ZNF799: variants seen among roughly 807,000 people sequenced by gnomAD.
ZNF799 encodes zinc finger protein 14.
ZNF799 carries 28 observed loss-of-function variants against 41.0 expected under a neutral mutation model. That is an observed-to-expected ratio of 0.68 (90% confidence interval 0.51 to 0.94). The LOEUF (loss-of-function observed/expected upper bound fraction) is 0.94, where lower values mean the gene tolerates loss of function less well. ZNF799 is among the 40% of genes least tolerant of loss of function. The pLI is 0.00. For synonymous variants in ZNF799, 213 were observed against 252.9 expected (o/e 0.84, Z 1.50); for missense variants, 716 against 764.3 (o/e 0.94, Z 0.74).
chr19:12,391,593 G>C lies in ZNF799; in HGVS notation c.805C>G (p.Leu269Val). Residue 269 changes from leucine (L) to valine (V), a missense_variant, in exon 4 of 4, where the codon CTA (leucine) becomes GTA (valine). Coordinates refer to ENST00000430385, the MANE Select transcript of ZNF799 (RefSeq NM_001080821.3). ...SKAFPDYSSC[L>V]RHERTHTGKK... is the part of the protein sequence containing the mutation. ...CCAGTGTGAGTTCTTTCATGTCTTA[G>C]ACAAGAACTGTAATCAGGGAAGGCT... 6.2e-7 allele frequency: 1 copy of C among 1,614,102 alleles called. No homozygotes were observed. Among genetic ancestry groups the C allele is most frequent in the Non-Finnish European group, 8.5e-7 (1 of 1,179,994 alleles).
At position 12,397,400 on chromosome 19, in the gene ZNF799, TA is replaced by T. The variant is rs112413283; in HGVS notation, c.3+3667del. Among the ~76,000 whole-genome samples the T allele has an allele frequency of 8.7e-3, 1,162 of 133,948 alleles. 3 individuals are homozygous for T. The highest frequency in any genetic ancestry group is 0.017 in the African/African-American group (633 of 36,538). The allele number at this position is 133,948 out of a possible 152,430, so 87.9% of individuals were successfully genotyped here. A position where few individuals can be genotyped will look rare whatever the true frequency, so the allele number is the denominator to read the frequency against. On this transcript the variant is annotated intron_variant, in intron 1 of 3. Coordinates refer to ENST00000430385, the MANE Select transcript of ZNF799 (RefSeq NM_001080821.3). Reference sequence around the variant, plus strand: ...TGAGACTCTGTCTCTAGGAAACGTGTAAAAAAAAAAAAAAATTAGCCAGGCG... The same window carrying T: ...TGAGACTCTGTCTCTAGGAAACGTGTAAAAAAAAAAAAAATTAGCCAGGCG...
chr19:12,401,852 A>G (rs1225514503), upstream of ZNF799, among the ~76,000 whole-genome samples: 1 of 151,994 alleles, frequency 6.6e-6, no homozygotes, highest in Non-Finnish European at 1.5e-5. Context: ...GGGATTAGAG[A>G]CGTGAGCCAT....
Position 12,390,975 on chromosome 19 carries a change from G to T in ZNF799, c.1423C>A (p.Pro475Thr). Residue 475 changes from proline to threonine, a missense_variant, in exon 4 of 4, where the codon CCA becomes ACA. Coordinates refer to ENST00000430385, the MANE Select transcript of ZNF799 (RefSeq NM_001080821.3). ...TTCCCACATTCCTTACACTCATATG[G>T]CTTCTCTCCAGCATGAGTTGTTTTG... is the stretch of plus-strand genomic sequence containing the variant. ...NHKTTHAGEK[P>T]YECKECGKAF... The T allele has an allele frequency of 2.5e-6, 4 of 1,614,096 alleles. No individual in the cohort carries two copies. The highest frequency in any genetic ancestry group is 2.7e-5 in the African/African-American group (2 of 75,032).
intron 1 of ZNF799, among the ~76,000 whole-genome samples, chr19:12,397,008 T>A (rs1443024473): frequency 6.6e-6 from 1 of 152,164 alleles, no homozygotes; most frequent in Non-Finnish European, 1.5e-5. Flanking sequence ...GGCACAAAAA[T>A]TATTTCCTTT....
the ZNF799 span, among the ~76,000 whole-genome samples, chr19:12,414,012 G>C: frequency 6.6e-6 from 1 of 152,200 alleles, no homozygotes; most frequent in African/African-American, 2.4e-5. Context: ...CCTGCGGCCT[G>C]TGCGGGTCCC....
upstream of ZNF799, chr19:12,401,327 C>G: frequency 9.0e-7 from 1 of 1,115,052 alleles, no homozygotes; most frequent in Non-Finnish European, 1.2e-6. Context: ...GGTGCCGCCC[C>G]TCGTGGACTG....
At chr19:12,413,047 C>CAAAAA in the ZNF799 span, among the ~76,000 whole-genome samples, 1,332 of 62,072 alleles carry the variant, frequency 0.021, 16 homozygotes, top group African/African-American at 0.033. Context: ...ACTCCGTCTC[C>CAAAAA]AAAAAAAAAA....
rs898667703 is a variant in ZNF799, at chr19:12,390,398, G to A, written c.*68C>T. On this transcript the variant is annotated 3_prime_UTR_variant, in exon 4 of 4. Transcript: ENST00000430385. ...ACAGGGTCTATCTCCAATGTGTTTC[G>A]TACAAGTATCTGAAATGAAATAAAA... is the stretch of plus-strand genomic sequence containing the variant. 27 of 1,602,802 alleles carry A rather than the reference G, an allele frequency of 1.7e-5. No homozygotes were observed. The highest frequency in any genetic ancestry group is 3.4e-5 in the Admixed American group (2 of 58,004).
In ZNF799 at chr19:12,390,232, G is replaced by C; in HGVS notation, c.*234C>G. The C allele has an allele frequency of 1.3e-6, 1 of 782,050 alleles. No individual in the cohort carries two copies. Among genetic ancestry groups the C allele is most frequent in the East Asian group, 2.7e-5 (1 of 36,954 alleles). The allele number at this position is 782,050 out of a possible 1,614,324, so 48.4% of individuals were successfully genotyped here. A position where few individuals can be genotyped will look rare whatever the true frequency, so the allele number is the denominator to read the frequency against. On this transcript the variant is annotated 3_prime_UTR_variant, in exon 4 of 4. Coordinates refer to ENST00000430385, the MANE Select transcript of ZNF799 (RefSeq NM_001080821.3). ...AGAGTATACAAGAGGATGTGGGTAA[G>C]TTACATACAAATATGTCATTTTATA... is the stretch of plus-strand genomic sequence containing the variant.
the ZNF799 span, among the ~76,000 whole-genome samples, chr19:12,409,072 A>C: frequency 6.6e-6 from 1 of 151,952 alleles, no homozygotes; most frequent in Non-Finnish European, 1.5e-5. Flanking sequence ...GCAGTCCCCA[A>C]CCTTTTTGGC....
At chr19:12,411,456 C>T in the ZNF799 span, among the ~76,000 whole-genome samples, 1 of 152,136 alleles carries the variant, frequency 6.6e-6, no homozygotes, top group Non-Finnish European at 1.5e-5. Flanking sequence ...ATGGGAGACA[C>T]TTCAACACAA....
chr19:12,399,012 C>T (rs189878790), intron 1 of ZNF799, among the ~76,000 whole-genome samples: 16 of 152,344 alleles, frequency 1.1e-4, no homozygotes, highest in Admixed American at 5.2e-4. Flanking sequence ...TGAAGTCCAA[C>T]TCTTTCCAAC....
At chr19:12,404,209 A>G (rs1323210164), upstream of ZNF799, among the ~76,000 whole-genome samples, 1 of 152,150 alleles carries the variant, frequency 6.6e-6, no homozygotes, top group East Asian at 1.9e-4. Flanking sequence ...CTCGGGAAAA[A>G]TATGTGTATT....
chr19:12,391,825 C>T lies in ZNF799; in HGVS notation c.573G>A (p.Gln191=), dbSNP rs764041811. The T allele has an allele frequency of 1.9e-6, 3 of 1,614,070 alleles. No individual in the cohort carries two copies. Among genetic ancestry groups the T allele is most frequent in the East Asian group, 2.2e-5 (1 of 44,896 alleles). The change falls in exon 4 of 4, where the codon CAG becomes CAA. Residue 191 remains glutamine, a synonymous_variant. Coordinates refer to ENST00000430385, the MANE Select transcript of ZNF799 (RefSeq NM_001080821.3). ...LGNLQRHMAV[Q]RGDGPYKCKL... is the part of the protein sequence containing the mutation. ...TACATTTATAAGGTCCATCTCCACG[C>T]TGCACTGCCATGTGTCTTTGAAGGT...
Position 12,391,472 on chromosome 19 carries a change from T to C in ZNF799, c.926A>G (p.Tyr309Cys), listed in dbSNP as rs1232308136. 5.0e-6 allele frequency: 8 copies of C among 1,614,128 alleles called. No homozygotes were observed. Among genetic ancestry groups the C allele is most frequent in the Non-Finnish European group, 5.9e-6 (7 of 1,179,986 alleles). ...CGCTTTCCCACATTGCTGACATGCA[T>C]AGGGTTTCTCATCAGTGTGAGTTGT... Reference protein sequence around the residue: ...HETTHTDEKPYACQQCGKAFH... With the variant: ...HETTHTDEKPCACQQCGKAFH... The change falls in exon 4 of 4, where the codon TAT (tyrosine) becomes TGT (cysteine). Residue 309 changes from tyrosine (Y) to cysteine (C), a missense_variant. This residue lies in a region of ZNF799 where 698 missense variants were observed against 713.6 expected (regional missense o/e 0.98). Transcript: ENST00000430385.
chr19:12,401,765 C>T (rs1191254266), upstream of ZNF799, among the ~76,000 whole-genome samples: 14 of 151,424 alleles, frequency 9.2e-5, no homozygotes, highest in Middle Eastern at 3.2e-3. Context: ...TAGTAGAGGC[C>T]GGGTTTCACC....
chr19:12,392,483 T>A, intron 3 of ZNF799, 120 bp downstream of exon 3: 1 of 1,025,364 alleles, frequency 9.8e-7, no homozygotes. Flanking sequence ...TTGGAGAAAA[T>A]TTTCTAAGAA....
Position 12,390,272 on chromosome 19 carries a change from T to C in ZNF799, c.*194A>G. 1 of 936,384 alleles carries C rather than the reference T, an allele frequency of 1.1e-6. No homozygotes were observed. Among genetic ancestry groups the C allele is most frequent in the Non-Finnish European group, 1.6e-6 (1 of 628,742 alleles). The allele number at this position is 936,384 out of a possible 1,614,324, so 58.0% of individuals were successfully genotyped here. A position where few individuals can be genotyped will look rare whatever the true frequency, so the allele number is the denominator to read the frequency against. On this transcript the variant is annotated 3_prime_UTR_variant, in exon 4 of 4. Transcript: ENST00000430385. ...GTCATTTTATAAAAGGGACTGGACATGGCTCACGGAGTGCTGGAACCAATA... is the reference window on the plus strand; with the variant it reads ...GTCATTTTATAAAAGGGACTGGACACGGCTCACGGAGTGCTGGAACCAATA...
rs1969800569 is a variant in ZNF799, at chr19:12,390,901, T to C, written c.1497A>G (p.Thr499=). 2 of 1,613,926 alleles carry C rather than the reference T, an allele frequency of 1.2e-6. No homozygotes were observed. The highest frequency in any genetic ancestry group is 1.7e-5 in the Admixed American group (1 of 60,006). Residue 499 remains threonine (T), a synonymous_variant, in exon 4 of 4, where the codon ACA becomes ACG. Transcript: ENST00000430385. ...TGTTACACTCATAAGGTTTCTCTCC[T>C]GTGTGAGTCCTTCTATGTTGAGAAA... ...QYLSQHRRTH[T]GEKPYECNTC...
Sources: allele counts gnomAD v4.1 joint callset (sites outside exome capture counted in the v4.1 genomes callset), GRCh38; gene constraint gnomAD v4.1.1; regional missense constraint gnomAD v4.1.1; transcripts MANE v1.5; gene names NCBI Gene and HGNC (gene_info 2026-07-23, HGNC 2026-07-21).